The following BAALC variants were observed in gnomAD, a reference collection of about 807,000 sequenced individuals.
BAALC encodes brain and acute leukemia cytoplasmic protein.
A neutral mutation model predicts 15.5 loss-of-function variants in BAALC; 9 were observed. That is an observed-to-expected ratio of 0.58 (90% CI 0.35 to 1.02). The LOEUF (loss-of-function observed/expected upper bound fraction) is 1.02, where lower values mean the gene tolerates loss of function less well. BAALC is among the 50% of genes least tolerant of loss of function. The pLI, the probability that BAALC is intolerant of heterozygous loss-of-function variation, is 0.02. For missense variants in BAALC, 201 were observed against 192.4 expected (o/e 1.04, Z -0.27); for synonymous variants, 80 against 74.6 (o/e 1.07, Z -0.37).
chr8:103,216,981 C>T (rs1264577166), intron 2 of BAALC, among the ~76,000 whole-genome samples: 5 of 152,144 alleles, frequency 3.3e-5, no homozygotes, highest in African/African-American at 4.8e-5. Context: ...TTTGGGAGCT[C>T]ATGGGGCTTT....
chr8:103,211,561 G>A (rs1047041017), intron 1 of BAALC, among the ~76,000 whole-genome samples: 3 of 152,110 alleles, frequency 2.0e-5, no homozygotes, highest in Admixed American at 6.5e-5. Flanking sequence ...GATCTCCATT[G>A]CAGAGTTAGT....
In BAALC at chr8:103,141,086, G is replaced by T. The variant is rs530957025; in HGVS notation, c.160+29G>T. On this transcript the variant is annotated intron_variant, in intron 1 of 2. Transcript: ENST00000309982. Reference sequence around the variant, plus strand: ...AGTGGCCGGGCCCCTGCAGACCCTCGCCCGCCCGCTACCCCGGGCGCCTTG... The same window carrying T: ...AGTGGCCGGGCCCCTGCAGACCCTCTCCCGCCCGCTACCCCGGGCGCCTTG... 9.9e-6 allele frequency: 14 copies of T among 1,410,996 alleles called. No individual in the cohort carries two copies. In the African/African-American group the frequency reaches 1.7e-4, roughly 17 times the overall value. The allele number at this position is 1,410,996 out of a possible 1,614,324, so 87.4% of individuals were successfully genotyped here.
At chr8:103,170,476 G>A (rs937162860) in intron 1 of BAALC, among the ~76,000 whole-genome samples, 1 of 152,138 alleles carries the variant, frequency 6.6e-6, no homozygotes, top group Non-Finnish European at 1.5e-5. Flanking sequence ...TGTTGTTCTT[G>A]TAAGAAAAAG....
At chr8:103,181,098 G>A (rs1411919046) in intron 1 of BAALC, among the ~76,000 whole-genome samples, 1 of 152,136 alleles carries the variant, frequency 6.6e-6, no homozygotes, top group Non-Finnish European at 1.5e-5. Context: ...CTCAGGAAAG[G>A]GTGGAGGTGC....
rs1812872181 is a variant in BAALC at position 103,229,322 on chromosome 8, A to G, written c.*1223A>G. The G allele has an allele frequency of 6.6e-6, 1 of 152,224 alleles. No individual in the cohort carries two copies. The highest frequency in any genetic ancestry group is 2.4e-5 in the African/African-American group (1 of 41,470). The allele number at this position is 152,224 out of a possible 1,614,324, so 9.4% of individuals were successfully genotyped here. A position where few individuals can be genotyped will look rare whatever the true frequency, so the allele number is the denominator to read the frequency against. ...GATAGGACTAAAGTTGTGCCAAACT[A>G]TATCAATAAATTCCATGTTTAGCAG... On this transcript the variant is annotated 3_prime_UTR_variant, in exon 3 of 3. Transcript: ENST00000309982.
rs765500351 is a variant in BAALC, at chr8:103,140,944, A to T, written c.47A>T (p.Tyr16Phe). 2.0e-6 allele frequency: 3 copies of T among 1,537,694 alleles called. No individual in the cohort carries two copies. The South Asian group carries it at 3.6e-5, about 19-fold the overall frequency. Residue 16 changes from tyrosine to phenylalanine, a missense_variant, in exon 1 of 3, where the codon TAC becomes TTC. Coordinates refer to ENST00000309982, the MANE Select transcript of BAALC (RefSeq NM_024812.3). This position sits in a 1 kb window ranked among gnomAD's most constrained non-coding sequence, Gnocchi z 4.2. ...GCGGATGCCATCGAGCCCCGCTACT[A>T]CGAGAGCTGGACCCGGGAGACAGAA... is the stretch of plus-strand genomic sequence containing the variant. ...SRADAIEPRYYESWTRETEST... is the reference protein window; with the variant it reads ...SRADAIEPRYFESWTRETEST...
At chr8:103,200,773 G>A in intron 1 of BAALC, 1 of 685,534 alleles carries the variant, frequency 1.5e-6, no homozygotes, top group Non-Finnish European at 2.7e-6. Context: ...GTGGGTCAAT[G>A]AGCTCCCTTC....
intron 1 of BAALC, among the ~76,000 whole-genome samples, chr8:103,192,120 C>T (rs2130004505): frequency 6.6e-6 from 1 of 152,266 alleles, no homozygotes; most frequent in South Asian, 2.1e-4. Context: ...GGTGCGATCT[C>T]AGCTCACCAC....
Position 103,141,006 on chromosome 8 carries a change from C to T in BAALC, c.109C>T (p.Pro37Ser). The change falls in exon 1 of 3, where the codon CCC becomes TCC. Residue 37 changes from proline to serine, a missense_variant. Coordinates refer to ENST00000309982, the MANE Select transcript of BAALC (RefSeq NM_024812.3). ...WLTYTDSDAP[P>S]SAAAPDSGPE... ...CACCTACACCGACTCGGACGCGCCG[C>T]CCAGCGCCGCCGCCCCGGACAGCGG... 6.6e-7 allele frequency: 1 copy of T among 1,524,542 alleles called. No individual in the cohort carries two copies. The highest frequency in any genetic ancestry group is 8.8e-7 in the Non-Finnish European group (1 of 1,136,536). The allele number at this position is 1,524,542 out of a possible 1,614,324, so 94.4% of individuals were successfully genotyped here.
At chr8:103,223,516 G>A (rs890318245) in intron 2 of BAALC, among the ~76,000 whole-genome samples, 1 of 152,136 alleles carries the variant, frequency 6.6e-6, no homozygotes, top group Non-Finnish European at 1.5e-5. Flanking sequence ...GGTAGCAAAG[G>A]CTTGCTCCAT....
chr8:103,216,729 C>A (rs1258630617), intron 2 of BAALC, among the ~76,000 whole-genome samples: 3 of 152,220 alleles, frequency 2.0e-5, no homozygotes, highest in Non-Finnish European at 4.4e-5. Context: ...TTCTGCCTCA[C>A]CCTACCAAAG....
chr8:103,157,862 A>AT (rs1442128439), intron 1 of BAALC, among the ~76,000 whole-genome samples: 7 of 152,190 alleles, frequency 4.6e-5, no homozygotes, highest in Admixed American at 1.3e-4. Flanking sequence ...TTAAATTGTC[A>AT]TTTTTTATAG....
chr8:103,157,810 A>C (rs2129892339), intron 1 of BAALC, among the ~76,000 whole-genome samples: 1 of 152,324 alleles, frequency 6.6e-6, no homozygotes, highest in South Asian at 2.1e-4. Context: ...CTGTTTCAAA[A>C]GAAAATTTTT....
At chr8:103,167,640 G>A (rs1031279921) in intron 1 of BAALC, among the ~76,000 whole-genome samples, 2 of 152,170 alleles carry the variant, frequency 1.3e-5, no homozygotes, top group East Asian at 3.8e-4. Context: ...AACAGCATGT[G>A]CAAAGGCCTT....
At chr8:103,144,562 G>T (rs1810842298) in intron 1 of BAALC, among the ~76,000 whole-genome samples, 1 of 152,160 alleles carries the variant, frequency 6.6e-6, no homozygotes, top group Non-Finnish European at 1.5e-5. Context: ...CTCTGAGGTT[G>T]CCATGACCCA....
intron 1 of BAALC, among the ~76,000 whole-genome samples, chr8:103,155,136 T>C (rs1811063925): frequency 1.3e-5 from 2 of 152,082 alleles, no homozygotes; most frequent in South Asian, 4.1e-4. Context: ...CTGGGACTCT[T>C]TAAAAAAGAT....
At chr8:103,143,554 G>A (rs935187955) in intron 1 of BAALC, among the ~76,000 whole-genome samples, 21 of 152,268 alleles carry the variant, frequency 1.4e-4, no homozygotes, top group Middle Eastern at 3.4e-3. Context: ...AGTCAGCCAC[G>A]TGAGTCAAAT....
chr8:103,158,684 C>T (rs1434984358), intron 1 of BAALC, among the ~76,000 whole-genome samples: 2 of 127,046 alleles, frequency 1.6e-5, no homozygotes, highest in Non-Finnish European at 3.5e-5. Context: ...ACAATACATA[C>T]AATACATACA....
At chr8:103,172,194 TA>T (rs201395429) in intron 1 of BAALC, 1 of 150,542 alleles carries the variant, frequency 6.6e-6, no homozygotes, top group Non-Finnish European at 1.5e-5. Flanking sequence ...CTTTTTTTTT[TA>T]CCCCTCTTCA....
Sources: gnomAD v4.1 joint callset for allele counts (sites outside exome capture counted in the v4.1 genomes callset) on GRCh38, gnomAD v4.1.1 for gene constraint, Gnocchi (gnomAD v3.1) non-coding constraint, MANE v1.5 for transcripts, NCBI Gene and HGNC (gene_info 2026-07-23, HGNC 2026-07-21) for gene names.